PKD1L1: variants seen among roughly 807,000 people sequenced by gnomAD.
The protein encoded by PKD1L1 is polycystin 1 like 1, transient receptor potential channel interacting.
Under a neutral mutation model 323.4 loss-of-function variants are expected in PKD1L1, and 236 were observed. The ratio of observed to expected loss-of-function variants is 0.73; its 90% CI spans 0.66 to 0.81. The LOEUF (loss-of-function observed/expected upper bound fraction) is 0.81. Among genes scored for constraint, PKD1L1 ranks in the 40% least tolerant of loss-of-function variants. The pLI, the probability that PKD1L1 is intolerant of heterozygous loss-of-function variation, is 0.00. For missense variants in PKD1L1, 3,320 were observed against 3,508.0 expected, an observed-to-expected ratio of 0.95 and a Z score of 1.35; for synonymous variants, 1,344 against 1,335.0, an observed-to-expected ratio of 1.01 and a Z score of -0.15.
intron 52 of PKD1L1, among the ~76,000 whole-genome samples, chr7:47,804,235 C>A (rs1321045971): frequency 1.3e-5 from 2 of 152,140 alleles, no homozygotes; most frequent in African/African-American, 2.4e-5. Flanking sequence ...GCAGGCAGGG[C>A]CGCACATGGT....
intron 47 of PKD1L1, among the ~76,000 whole-genome samples, chr7:47,814,414 C>T (rs1784970857): frequency 6.6e-6 from 1 of 152,220 alleles, no homozygotes; most frequent in Admixed American, 6.5e-5. Context: ...GAGAATAGCT[C>T]TGTTGCCCAG....
At chr7:47,777,087 T>C (rs1199110867) in intron 56 of PKD1L1, among the ~76,000 whole-genome samples, 1 of 152,188 alleles carries the variant, frequency 6.6e-6, no homozygotes, top group Non-Finnish European at 1.5e-5. Context: ...AGATGGGGTT[T>C]TGCCATGTTG....
chr7:47,921,286 A>G (rs1787531796), intron 7 of PKD1L1, among the ~76,000 whole-genome samples: 1 of 151,596 alleles, frequency 6.6e-6, no homozygotes, highest in African/African-American at 2.4e-5. Context: ...CAAACATATG[A>G]AAATGCTCAA....
chr7:47,955,100 CAA>C, the PKD1L1 span, among the ~76,000 whole-genome samples: 1 of 152,192 alleles, frequency 6.6e-6, no homozygotes, highest in African/African-American at 2.4e-5. Flanking sequence ...GCCCTCACTG[CAA>C]AGACTGTTAC....
chr7:47,902,585 C>A, intron 12 of PKD1L1, 74 bp from the exon 13 acceptor site: 2 of 1,495,566 alleles, frequency 1.3e-6, no homozygotes, highest in Non-Finnish European at 9.1e-7. Flanking sequence ...CTCTTCATAC[C>A]CACTCATATC....
In PKD1L1 at chr7:47,946,303, CAG is replaced by C. The variant is rs1788093594; in HGVS notation, c.44+2092_44+2093del. ...AGAGTGAGTGTTTTTCGGGGCCTGT[CAG>C]GGGCTGGGGGGCAAGGGGAGGGAGA... is the stretch of plus-strand genomic sequence containing the variant. On this transcript the variant is annotated intron_variant, in intron 1 of 56. Transcript: ENST00000289672. This position sits in a 1 kb window ranked among gnomAD's most constrained non-coding sequence, Gnocchi z 4.1. Among the ~76,000 whole-genome samples, 1 of 151,906 alleles carries C rather than the reference CAG, an allele frequency of 6.6e-6. No individual in the cohort carries two copies. The highest frequency in any genetic ancestry group is 2.4e-5 in the African/African-American group (1 of 41,316).
In PKD1L1 at chr7:47,864,609, TTTCTTTC is replaced by T. The variant is rs1222448192; in HGVS notation, c.4149+600_4149+606del. Among the ~76,000 whole-genome samples, 38 of 115,846 alleles carry T rather than the reference TTTCTTTC, an allele frequency of 3.3e-4. No homozygotes were observed. The East Asian group carries it at 8.1e-3, about 25-fold the overall frequency. 76.0% of individuals were successfully genotyped at this position (115,846 alleles called of 152,430 possible). A position where few individuals can be genotyped will look rare whatever the true frequency, so the allele number is the denominator to read the frequency against. On this transcript the variant is annotated intron_variant, in intron 26 of 56. Coordinates refer to ENST00000289672, the MANE Select transcript of PKD1L1 (RefSeq NM_138295.5). ...CTTTCTTTCTTTCTTTCTTTCTTTCTTTCTTTCTTTCTTTCTTTCTTTCTTTCCTTCC... is the reference window on the plus strand; with the variant it reads ...CTTTCTTTCTTTCTTTCTTTCTTTCTTTTCTTTCTTTCTTTCTTTCCTTCC...
Position 47,898,070 on chromosome 7 carries a change from G to A in PKD1L1, c.2189C>T (p.Pro730Leu), listed in dbSNP as rs773249466. 3 of 1,613,966 alleles carry A rather than the reference G, an allele frequency of 1.9e-6. No homozygotes were observed. The highest frequency in any genetic ancestry group is 2.7e-5 in the African/African-American group (2 of 75,018). ...MDSEGLPVSL[P>L]AAVDTHRQTL... ...CTGTCTGTGAGTGTCCACAGCAGCA[G>A]GGAGGGAGACAGGGAGCCCTTCAGA... The change falls in exon 14 of 57, where the codon CCT becomes CTT. Residue 730 changes from proline (P) to leucine (L), a missense_variant. Transcript: ENST00000289672.
chr7:47,795,260 T>C (rs909920192), intron 55 of PKD1L1: 17 of 422,654 alleles, frequency 4.0e-5, no homozygotes, highest in South Asian at 6.8e-5. Flanking sequence ...TGGGAGGTAA[T>C]TGAATCATAG....
chr7:47,810,280 AGTGCT>A (rs2128728978), intron 50 of PKD1L1, among the ~76,000 whole-genome samples: 1 of 152,324 alleles, frequency 6.6e-6, no homozygotes, highest in African/African-American at 2.4e-5. Context: ...GTTTAACAGC[AGTGCT>A]GTGCTGAGCC....
At chr7:47,881,794 A>G (rs1378944973) in intron 20 of PKD1L1, 115 bp downstream of exon 20, 2 of 1,006,868 alleles carry the variant, frequency 2.0e-6, no homozygotes, top group East Asian at 4.9e-5. Flanking sequence ...TAGAAAAGGT[A>G]CCACAATTCT....
rs1469784383 is a variant in PKD1L1 at position 47,839,439 on chromosome 7, A to G, written c.5769+7T>C. On this transcript the variant is annotated splice_region_variant and intron_variant, in intron 36 of 56. Transcript: ENST00000289672. This position sits in a 1 kb window ranked among gnomAD's most constrained non-coding sequence, Gnocchi z 4.3. ...GCGCCACGAGAGGCCACCTGGAGGG[A>G]GCCTACCTTCCGGAAGCCGAGTCCC... is the stretch of plus-strand genomic sequence containing the variant. The G allele has an allele frequency of 6.2e-7, 1 of 1,601,968 alleles. No homozygotes were observed.
rs192103812 is a variant in PKD1L1, at chr7:47,913,293, C to T, written c.1228+2139G>A. On this transcript the variant is annotated intron_variant, in intron 8 of 56. Transcript: ENST00000289672. ...AACTTCAGACAACCAAACAGGAACACCATGCCAAAAAAAAGCTGAGTGAGG... is the reference window on the plus strand; with the variant it reads ...AACTTCAGACAACCAAACAGGAACATCATGCCAAAAAAAAGCTGAGTGAGG... Among the ~76,000 whole-genome samples the T allele has an allele frequency of 4.6e-5, 7 of 152,180 alleles. No homozygotes were observed. In the East Asian group the frequency reaches 1.4e-3, roughly 29 times the overall value.
Position 47,835,248 on chromosome 7 carries a change from A to C in PKD1L1, c.5944-5T>G. 3.2e-6 allele frequency: 5 copies of C among 1,566,612 alleles called. No individual in the cohort carries two copies. Among genetic ancestry groups the C allele is most frequent in the Non-Finnish European group, 4.3e-6 (5 of 1,158,036 alleles). ...GGGGCTGACGTCCAAGTGGGGCTGCAACAAAGCAACAGCAGCCATTACATC... is the reference window on the plus strand; with the variant it reads ...GGGGCTGACGTCCAAGTGGGGCTGCCACAAAGCAACAGCAGCCATTACATC... On this transcript the variant is annotated splice_region_variant and splice_polypyrimidine_tract_variant and intron_variant, in intron 37 of 56. Transcript: ENST00000289672.
At chr7:47,871,732 T>C (rs1786283869) in intron 24 of PKD1L1, among the ~76,000 whole-genome samples, 1 of 152,210 alleles carries the variant, frequency 6.6e-6, no homozygotes, top group Non-Finnish European at 1.5e-5. Context: ...GTTTTTATAA[T>C]GAAATACACA....
At chr7:47,809,608 A>C in intron 50 of PKD1L1, 31 bp from the exon 51 acceptor site, 15 of 1,478,002 alleles carry the variant, frequency 1.0e-5, no homozygotes, top group East Asian at 2.4e-5. Flanking sequence ...AAACAAGATC[A>C]ATAGGAATGC....
chr7:47,879,576 T>G (rs1185650735), intron 21 of PKD1L1, among the ~76,000 whole-genome samples: 1 of 138,246 alleles, frequency 7.2e-6, no homozygotes, highest in Non-Finnish European at 1.5e-5. Flanking sequence ...GAGGTTGCAG[T>G]GAGCTGAGAC....
intron 52 of PKD1L1, 27 bp downstream of exon 52, chr7:47,808,220 C>T: frequency 6.2e-7 from 1 of 1,612,658 alleles, no homozygotes; most frequent in South Asian, 1.1e-5. Context: ...TGGCCTCTAT[C>T]TGCATGGCCC....
chr7:47,904,382 T>C lies in PKD1L1; in HGVS notation c.1927A>G (p.Ser643Gly). The change falls in exon 12 of 57, where the codon AGT becomes GGT. Residue 643 changes from serine to glycine, a missense_variant. Physicochemically the swap from Ser to Gly is moderately conservative, Grantham distance 56. Transcript: ENST00000289672. ...CGCCGCCTTGCAGTGGCTCACCTAC[T>C]GTAGACATGGCTGCTGGAGCTGCTC... The part of the protein sequence containing the change: ...LGSSSSSHVY[S>G]REGEFTVEVL... 1.2e-6 allele frequency: 2 copies of C among 1,614,092 alleles called. No individual in the cohort carries two copies. Among genetic ancestry groups the C allele is most frequent in the Non-Finnish European group, 1.7e-6 (2 of 1,179,998 alleles).
Sources: allele counts gnomAD v4.1 joint callset (sites outside exome capture counted in the v4.1 genomes callset), GRCh38; gene constraint gnomAD v4.1.1; non-coding constraint Gnocchi (gnomAD v3.1); transcripts MANE v1.5; gene names NCBI Gene and HGNC (gene_info 2026-07-23, HGNC 2026-07-21).